Variants in LRRTM4 observed in about 807,000 individuals in gnomAD.
LRRTM4 encodes the protein leucine-rich repeat transmembrane neuronal protein 4.
In LRRTM4, 25 loss-of-function variants were observed where a neutral mutation model predicts 47.6. The observed-to-expected ratio is 0.53, with a 90% CI of 0.38 to 0.73. LRRTM4 has a LOEUF of 0.73. Ranked by LOEUF, LRRTM4 falls within the 30% of genes least tolerant of loss-of-function variation. The pLI is 0.00. For missense variants in LRRTM4, 638 were observed against 713.4 expected, an observed-to-expected ratio of 0.89 and a Z score of 1.20; for synonymous variants, 311 against 269.5, an observed-to-expected ratio of 1.15 and a Z score of -1.51.
intron 3 of LRRTM4, among the ~76,000 whole-genome samples, chr2:76,855,759 A>G (rs1168249341): frequency 6.6e-6 from 1 of 152,136 alleles, no homozygotes; most frequent in Non-Finnish European, 1.5e-5. Context: ...ATATTTCTGT[A>G]TTGCATGGGA....
At chr2:77,164,246 A>G (rs1177497597) in intron 3 of LRRTM4, among the ~76,000 whole-genome samples, 3 of 152,246 alleles carry the variant, frequency 2.0e-5, no homozygotes, top group Non-Finnish European at 2.9e-5. Flanking sequence ...GGATCAATTC[A>G]ACAAGAAGAG....
At chr2:77,315,061 A>G (rs1386360751) in intron 3 of LRRTM4, among the ~76,000 whole-genome samples, 1 of 152,180 alleles carries the variant, frequency 6.6e-6, no homozygotes, top group Non-Finnish European at 1.5e-5. Flanking sequence ...TTGACATTAT[A>G]TTTTCAAATT....
At chr2:77,111,603 C>G (rs1671251546) in intron 3 of LRRTM4, among the ~76,000 whole-genome samples, 1 of 152,070 alleles carries the variant, frequency 6.6e-6, no homozygotes, top group Non-Finnish European at 1.5e-5. Flanking sequence ...CTACCCCATC[C>G]TACTTGGTCC....
chr2:76,756,035 T>C (rs760134501), intron 3 of LRRTM4, among the ~76,000 whole-genome samples: 2 of 152,148 alleles, frequency 1.3e-5, no homozygotes, highest in Non-Finnish European at 2.9e-5. Context: ...GGCAATAAGA[T>C]ACCAAATTAT....
chr2:77,273,637 A>T (rs938915443), intron 3 of LRRTM4, among the ~76,000 whole-genome samples: 2 of 152,136 alleles, frequency 1.3e-5, no homozygotes, highest in Non-Finnish European at 2.9e-5. Context: ...AAAGGGGTTG[A>T]ATGTACAAGA....
intron 3 of LRRTM4, among the ~76,000 whole-genome samples, chr2:76,807,390 ATATATATATG>A (rs1670519429): frequency 1.6e-5 from 2 of 127,560 alleles, no homozygotes; most frequent in African/African-American, 3.5e-5. Context: ...TTTTATATAT[ATATATATATG>A]TATATACGTA....
At chr2:76,818,897 C>T (rs910973831) in intron 3 of LRRTM4, among the ~76,000 whole-genome samples, 1 of 151,562 alleles carries the variant, frequency 6.6e-6, no homozygotes, top group African/African-American at 2.4e-5. Flanking sequence ...ACTAGTAAAA[C>T]CAGTTTGATT....
At chr2:76,797,072 C>G (rs540828169) in intron 3 of LRRTM4, among the ~76,000 whole-genome samples, 9 of 152,194 alleles carry the variant, frequency 5.9e-5, no homozygotes, top group Non-Finnish European at 1.2e-4. Flanking sequence ...CTTCCCCAAT[C>G]TAGCAAGGCA....
At chr2:76,947,625 A>T (rs1176181311) in intron 3 of LRRTM4, among the ~76,000 whole-genome samples, 1 of 151,894 alleles carries the variant, frequency 6.6e-6, no homozygotes, top group Non-Finnish European at 1.5e-5. Flanking sequence ...TAACATACAT[A>T]CAAATAGACA....
intron 3 of LRRTM4, among the ~76,000 whole-genome samples, chr2:76,859,162 T>A (rs1672241399): frequency 6.6e-6 from 1 of 152,190 alleles, no homozygotes; most frequent in Non-Finnish European, 1.5e-5. Context: ...CTGAAAAGTA[T>A]CATATTTAAC....
chr2:76,859,972 T>C (rs1349190241), intron 3 of LRRTM4, among the ~76,000 whole-genome samples: 1 of 152,150 alleles, frequency 6.6e-6, no homozygotes, highest in Non-Finnish European at 1.5e-5. Context: ...GCATAATATG[T>C]TGCATCAAAA....
At chr2:76,900,224 ACT>A in intron 3 of LRRTM4, among the ~76,000 whole-genome samples, 1 of 152,190 alleles carries the variant, frequency 6.6e-6, no homozygotes, top group African/African-American at 2.4e-5. Context: ...ACAGAGCAAG[ACT>A]CTGTCTCAAA....
rs1679542705 is a variant in LRRTM4, at chr2:77,522,197, C to G, written c.-236G>C. The G allele has an allele frequency of 1.4e-6, 1 of 708,654 alleles. No individual in the cohort carries two copies. Among genetic ancestry groups the G allele is most frequent in the Admixed American group, 2.0e-5 (1 of 49,136 alleles). The allele number at this position is 708,654 out of a possible 1,614,324, so 43.9% of individuals were successfully genotyped here. ...TCAGTTCTTGAAGCAAGTAGGCCTC[C>G]TGTGCTGTATGAGACCCCAGTTTAA... is the stretch of plus-strand genomic sequence containing the variant. On this transcript the variant is annotated 5_prime_UTR_variant, in exon 1 of 4. Transcript: ENST00000409884.
At chr2:76,923,219 T>G (rs1207878875) in intron 3 of LRRTM4, among the ~76,000 whole-genome samples, 1 of 152,092 alleles carries the variant, frequency 6.6e-6, no homozygotes, top group Non-Finnish European at 1.5e-5. Context: ...GTCTTTCGTT[T>G]TTATTGTTTT....
chr2:77,368,101 T>G (rs1672526881), intron 3 of LRRTM4, among the ~76,000 whole-genome samples: 1 of 151,808 alleles, frequency 6.6e-6, no homozygotes, highest in Admixed American at 6.6e-5. Flanking sequence ...CTAATCTGTA[T>G]GCTCTTGGTG....
intron 3 of LRRTM4, among the ~76,000 whole-genome samples, chr2:77,463,377 G>C (rs747160960): frequency 1.6e-4 from 25 of 152,004 alleles, no homozygotes; most frequent in Non-Finnish European, 2.8e-4. Context: ...GTATTTTCAT[G>C]AATACGCTGT....
intron 3 of LRRTM4, among the ~76,000 whole-genome samples, chr2:76,825,960 A>AACC (rs1341811935): frequency 2.6e-5 from 4 of 151,744 alleles, no homozygotes; most frequent in African/African-American, 9.7e-5. Context: ...TATTTTTACA[A>AACC]ACCACAAAAG....
intron 3 of LRRTM4, among the ~76,000 whole-genome samples, chr2:76,927,622 C>G (rs953247764): frequency 1.3e-5 from 2 of 152,128 alleles, no homozygotes; most frequent in African/African-American, 4.8e-5. Context: ...GGGTTTCTGT[C>G]TCTTGCAGCC....
At chr2:76,771,531 C>T (rs1408879163) in intron 3 of LRRTM4, among the ~76,000 whole-genome samples, 1 of 151,940 alleles carries the variant, frequency 6.6e-6, no homozygotes, top group African/African-American at 2.4e-5. Context: ...AAGTAGCTGC[C>T]TGGAGGAGCT....
Sources: allele counts gnomAD v4.1 joint callset (sites outside exome capture counted in the v4.1 genomes callset), GRCh38; gene constraint gnomAD v4.1.1; transcripts MANE v1.5; gene names NCBI Gene and HGNC (gene_info 2026-07-23, HGNC 2026-07-21).